The following DTNA variants were observed in gnomAD, a reference collection of about 807,000 sequenced individuals.
DTNA encodes dystrophin-related protein 3.
Under a neutral mutation model 100.7 loss-of-function variants are expected in DTNA, and 43 were observed. The observed-to-expected ratio is 0.43, with a 90% CI of 0.33 to 0.55. DTNA has a LOEUF of 0.55. DTNA is among the 20% of genes least tolerant of loss of function. DTNA has a pLI of 0.04. For missense variants in DTNA, 798 were observed against 953.9 expected (o/e 0.84, Z 2.15); for synonymous variants, 349 against 347.9 (o/e 1.00, Z -0.04).
At chr18:34,559,561 A>C (rs1471361924) in intron 1 of DTNA, among the ~76,000 whole-genome samples, 2 of 152,236 alleles carry the variant, frequency 1.3e-5, no homozygotes, top group African/African-American at 2.4e-5. Context: ...GAAATTCAAA[A>C]GGAAATAAGT....
At chr18:34,838,317 A>G in intron 12 of DTNA, 146 bp downstream of exon 12, 1 of 789,518 alleles carries the variant, frequency 1.3e-6, no homozygotes, top group Non-Finnish European at 2.1e-6. Context: ...AGCACTAAGT[A>G]GTTATTTCCA....
chr18:34,621,213 T>C (rs1430157998), intron 1 of DTNA, among the ~76,000 whole-genome samples: 1 of 148,684 alleles, frequency 6.7e-6, no homozygotes, highest in Non-Finnish European at 1.5e-5. Context: ...TATGTACATA[T>C]TGTATATTAC....
chr18:34,619,448 GA>G (rs1343121306), intron 1 of DTNA, among the ~76,000 whole-genome samples: 1 of 152,120 alleles, frequency 6.6e-6, no homozygotes, highest in Non-Finnish European at 1.5e-5. Context: ...TCCAAGCAAG[GA>G]AAAATTAGAG....
chr18:34,562,482 T>C (rs1366855694), intron 1 of DTNA, among the ~76,000 whole-genome samples: 1 of 152,242 alleles, frequency 6.6e-6, no homozygotes, highest in East Asian at 1.9e-4. Flanking sequence ...AATAGAGATA[T>C]GATGCCACCG....
chr18:34,745,842 G>A lies in DTNA; in HGVS notation c.-1-10134G>A, dbSNP rs538596095. Among the ~76,000 whole-genome samples, 8 of 152,272 alleles carry A rather than the reference G, an allele frequency of 5.3e-5. No individual in the cohort carries two copies. In the East Asian group the frequency reaches 1.5e-3, roughly 29 times the overall value. On this transcript the variant is annotated intron_variant, in intron 1 of 22. Transcript: ENST00000444659. ...AGAACTGTAATGCCTTTAGTTGTGT[G>A]TGTATATAGACATGAACATTTTGGT...
rs780713007 is a variant in DTNA at position 34,794,118 on chromosome 18, A to G, written c.230A>G (p.Asn77Ser). The change falls in exon 4 of 23, where the codon AAC (asparagine) becomes AGC (serine). Residue 77 changes from asparagine to serine, a missense_variant. Around this residue, in one of 6 missense-constraint regions of DTNA, gnomAD observed 197 missense variants for 215.4 expected, o/e 0.91. Coordinates refer to ENST00000444659, the MANE Select transcript of DTNA (RefSeq NM_001386795.1). ...AACCTGGACCCAAACACTGAACTCA[A>G]CGTGTCCCGCTTAGAGGCTGTGCTC... ...LNNLDPNTEL[N>S]VSRLEAVLST... 2.5e-6 allele frequency: 4 copies of G among 1,614,036 alleles called. No individual in the cohort carries two copies. Among genetic ancestry groups the G allele is most frequent in the Admixed American group, 3.3e-5 (2 of 59,994 alleles).
At chr18:34,736,074 A>C (rs2089515095) in intron 1 of DTNA, among the ~76,000 whole-genome samples, 1 of 152,234 alleles carries the variant, frequency 6.6e-6, no homozygotes, top group Non-Finnish European at 1.5e-5. Context: ...CGTCTATACC[A>C]TGAAGTTGGA....
intron 10 of DTNA, among the ~76,000 whole-genome samples, chr18:34,828,557 C>CA (rs1156907431): frequency 6.6e-6 from 1 of 152,166 alleles, no homozygotes; most frequent in Admixed American, 6.5e-5. Flanking sequence ...TATCCTGGTA[C>CA]ATTCAACTGA....
chr18:34,824,547 A>G (rs1167205754), intron 9 of DTNA, among the ~76,000 whole-genome samples: 1 of 152,138 alleles, frequency 6.6e-6, no homozygotes, highest in Non-Finnish European at 1.5e-5. Flanking sequence ...GGTTCTGCAC[A>G]TGTACCCCAG....
intron 9 of DTNA, chr18:34,825,369 C>A (rs371838594): frequency 2.0e-6 from 3 of 1,499,952 alleles, no homozygotes; most frequent in African/African-American, 1.4e-5. Context: ...CAATATGAGG[C>A]TAGTTTAGAA....
intron 2 of DTNA, among the ~76,000 whole-genome samples, chr18:34,760,403 C>T (rs1343628831): frequency 6.6e-6 from 1 of 152,164 alleles, no homozygotes; most frequent in East Asian, 1.9e-4. Context: ...TTGTCTTTCT[C>T]TCAAGCCTTT....
At chr18:34,806,081 C>T in intron 4 of DTNA, 138 bp from the exon 5 acceptor site, 1 of 708,810 alleles carries the variant, frequency 1.4e-6, no homozygotes, top group Non-Finnish European at 2.5e-6. Context: ...TGGATGTGCC[C>T]ACATAAGGCA....
At chr18:34,617,597 G>A (rs937565486) in intron 1 of DTNA, among the ~76,000 whole-genome samples, 2 of 151,906 alleles carry the variant, frequency 1.3e-5, no homozygotes, top group East Asian at 1.9e-4. Context: ...TTTTTGTTGC[G>A]TCTTTGCCAG....
chr18:34,811,826 T>G (rs1418902259), intron 5 of DTNA, 133 bp from the exon 6 acceptor site: 1 of 1,048,622 alleles, frequency 9.5e-7, no homozygotes, highest in Non-Finnish European at 1.4e-6. Context: ...AGCATAAAAA[T>G]TAGCTTTTAT....
rs577692347 is a variant in DTNA at position 34,818,629 on chromosome 18, A to C, written c.876+299A>C. 2.5e-5 allele frequency: 30 copies of C among 1,184,356 alleles called. 2 individuals carry two copies. The African/African-American group carries it at 4.6e-4, about 18-fold the overall frequency. 73.4% of individuals were successfully genotyped at this position (1,184,356 alleles called of 1,614,324 possible). On this transcript the variant is annotated intron_variant, in intron 8 of 22. Transcript: ENST00000444659. Reference sequence around the variant, plus strand: ...AACTGAATAGCAAGGACCTTCTGGAACATAATCTTACATTCACAGTAAGTT... The same window carrying C: ...AACTGAATAGCAAGGACCTTCTGGACCATAATCTTACATTCACAGTAAGTT...
intron 21 of DTNA, among the ~76,000 whole-genome samples, chr18:34,883,324 CTTTT>C (rs2096891872): frequency 7.0e-6 from 1 of 142,228 alleles, no homozygotes. Flanking sequence ...TTTTTTTTTT[CTTTT>C]TGAGACAGGG....
At chr18:34,626,955 G>C (rs1211930206) in intron 1 of DTNA, among the ~76,000 whole-genome samples, 1 of 152,130 alleles carries the variant, frequency 6.6e-6, no homozygotes, top group Admixed American at 6.5e-5. Context: ...CCTCCATGTG[G>C]ACTCACATGC....
intron 1 of DTNA, among the ~76,000 whole-genome samples, chr18:34,703,067 C>G (rs2146238038): frequency 6.6e-6 from 1 of 152,256 alleles, no homozygotes; most frequent in East Asian, 1.9e-4. Context: ...TATGTTCATT[C>G]TTTACATATG....
At chr18:34,689,340 TTG>T (rs2079386500) in intron 1 of DTNA, among the ~76,000 whole-genome samples, 1 of 151,484 alleles carries the variant, frequency 6.6e-6, no homozygotes, top group Admixed American at 6.6e-5. Flanking sequence ...GGTCATTTTT[TTG>T]TTGTTGTTGA....
Sources: gnomAD v4.1 joint callset for allele counts (sites outside exome capture counted in the v4.1 genomes callset) on GRCh38, gnomAD v4.1.1 for gene constraint, gnomAD v4.1.1 regional missense constraint, MANE v1.5 for transcripts, NCBI Gene and HGNC (gene_info 2026-07-23, HGNC 2026-07-21) for gene names.